The following ITPR1 variants were observed in gnomAD, a reference collection of about 807,000 sequenced individuals.
The protein encoded by ITPR1 is inositol 1,4,5-trisphosphate-gated calcium channel ITPR1.
Under a neutral mutation model 318.4 loss-of-function variants are expected in ITPR1, and 96 were observed. The ratio of observed to expected loss-of-function variants is 0.30; its 90% CI spans 0.26 to 0.36. The LOEUF is 0.36. Ranked by LOEUF, ITPR1 falls within the 10% of genes least tolerant of loss-of-function variation. ITPR1 has a pLI of 1.00. For missense variants in ITPR1, 2,440 were observed against 3,460.2 expected (o/e 0.71, Z 7.40); for synonymous variants, 1,312 against 1,289.9 (o/e 1.02, Z -0.37).
At chr3:4,601,940 A>G (rs1422586191) in intron 4 of ITPR1, among the ~76,000 whole-genome samples, 1 of 152,270 alleles carries the variant, frequency 6.6e-6, no homozygotes, top group Non-Finnish European at 1.5e-5. Context: ...TAATAAGCAC[A>G]TGCAGAAATG....
chr3:4,735,143 AAC>A lies in ITPR1; in HGVS notation c.5354-19_5354-18del. On this transcript the variant is annotated intron_variant, in intron 43 of 61. Coordinates refer to ENST00000649015, the MANE Select transcript of ITPR1 (RefSeq NM_001378452.1). ...AGCTGTTCTGATTGTGCTTAGTAAA[AAC>A]AATATTCCATCTTCTTAGGGGGAGG... is the stretch of plus-strand genomic sequence containing the variant. The A allele has an allele frequency of 6.2e-7, 1 of 1,601,808 alleles. No individual in the cohort carries two copies. The highest frequency in any genetic ancestry group is 8.5e-7 in the Non-Finnish European group (1 of 1,169,932).
intron 40 of ITPR1, among the ~76,000 whole-genome samples, chr3:4,721,899 C>T (rs1214721879): frequency 1.3e-5 from 2 of 152,142 alleles, no homozygotes; most frequent in Non-Finnish European, 2.9e-5. Flanking sequence ...GAAATAGTCA[C>T]CTTAGGAAGT....
At position 4,737,345 on chromosome 3, in the gene ITPR1, T is replaced by C. The variant is rs186975642; in HGVS notation, c.5544+1991T>C. Among the ~76,000 whole-genome samples the C allele has an allele frequency of 9.5e-4, 144 of 152,220 alleles. 1 individual carries two copies. Among genetic ancestry groups the C allele is most frequent in the African/African-American group, 3.3e-3 (136 of 41,534 alleles). On this transcript the variant is annotated intron_variant, in intron 44 of 61. Transcript: ENST00000649015. ...CCACCAAGGAAGAAGGACCAGCATC[T>C]CTCTGGGGAGCCTGCAGACGGTCTG...
At chr3:4,833,219 CAT>C (rs936446299) in intron 60 of ITPR1, among the ~76,000 whole-genome samples, 1 of 152,168 alleles carries the variant, frequency 6.6e-6, no homozygotes, top group African/African-American at 2.4e-5. Context: ...CCAGGAGGTA[CAT>C]ATGGCATGAA....
intron 46 of ITPR1, among the ~76,000 whole-genome samples, chr3:4,772,001 C>T (rs2046221084): frequency 6.6e-6 from 1 of 152,178 alleles, no homozygotes; most frequent in Non-Finnish European, 1.5e-5. Flanking sequence ...AGCCCGTGAT[C>T]TGGACCAGTG....
At chr3:4,568,676 T>C (rs1184449608) in intron 4 of ITPR1, among the ~76,000 whole-genome samples, 2 of 151,952 alleles carry the variant, frequency 1.3e-5, no homozygotes, top group East Asian at 3.9e-4. Flanking sequence ...TGGAAGTCCA[T>C]AGTTTGAGTA....
At chr3:4,498,919 C>G (rs1162717867) in intron 2 of ITPR1, among the ~76,000 whole-genome samples, 1 of 152,234 alleles carries the variant, frequency 6.6e-6, no homozygotes, top group African/African-American at 2.4e-5. Context: ...AGCTTCACAT[C>G]AGTGATTCTC....
At chr3:4,744,082 CGCCTCA>C (rs1034626134) in intron 44 of ITPR1, among the ~76,000 whole-genome samples, 3 of 152,152 alleles carry the variant, frequency 2.0e-5, no homozygotes, top group African/African-American at 7.2e-5. Flanking sequence ...GTGATCCGCC[CGCCTCA>C]GCCTCCCAAA....
chr3:4,702,345 C>T (rs74753075), intron 35 of ITPR1, among the ~76,000 whole-genome samples: 4 of 152,274 alleles, frequency 2.6e-5, no homozygotes, highest in Admixed American at 2.0e-4. Flanking sequence ...GTGAGATCCA[C>T]GTATCAGTTT....
rs994102308 is a variant in ITPR1, at chr3:4,807,938, G to A, written c.7272+1671G>A. Among the ~76,000 whole-genome samples the A allele has an allele frequency of 5.9e-5, 9 of 152,312 alleles. No individual in the cohort carries two copies. In the East Asian group the frequency reaches 7.7e-4, roughly 13 times the overall value. ...ATCCCTGCCAAGGGCTCTCTCCCAA[G>A]AGACAGGAGATGCCCCTTTGGTCAA... On this transcript the variant is annotated intron_variant, in intron 55 of 61. Transcript: ENST00000649015.
rs958916150 is a variant in ITPR1 at position 4,685,199 on chromosome 3, A to G, written c.3695A>G (p.Tyr1232Cys). ...AVVLELLQIP[Y>C]EKAEDTKMQE... Reference sequence around the variant, plus strand: ...GTGCTGGAGCTGCTGCAGATTCCCTATGAGAAGGTGAGCGGTGCCTCATGC... The same window carrying G: ...GTGCTGGAGCTGCTGCAGATTCCCTGTGAGAAGGTGAGCGGTGCCTCATGC... Residue 1232 changes from tyrosine to cysteine, a missense_variant, in exon 30 of 62, where the codon TAT becomes TGT. Tyr to Cys is a radical substitution (Grantham distance 194, BLOSUM62 -2). Around this residue, in one of 23 missense-constraint regions of ITPR1, gnomAD observed 222 missense variants for 318.8 expected, o/e 0.70. Transcript: ENST00000649015. The G allele has an allele frequency of 6.2e-7, 1 of 1,602,002 alleles. No homozygotes were observed. Among genetic ancestry groups the G allele is most frequent in the Non-Finnish European group, 8.5e-7 (1 of 1,177,716 alleles).
chr3:4,664,265 G>C (rs1355388215), intron 16 of ITPR1, among the ~76,000 whole-genome samples: 1 of 152,148 alleles, frequency 6.6e-6, no homozygotes, highest in African/African-American at 2.4e-5. Context: ...GATATTGTTG[G>C]ATGTAAATGT....
At chr3:4,707,409 C>G (rs2094782521) in intron 37 of ITPR1, among the ~76,000 whole-genome samples, 1 of 152,200 alleles carries the variant, frequency 6.6e-6, no homozygotes, top group Non-Finnish European at 1.5e-5. Flanking sequence ...GAGTTGTCGA[C>G]TGAAACATCT....
rs545849380 is a variant in ITPR1, at chr3:4,701,759, G to A, written c.4537-1071G>A. ...CCAAGTCACAGAATTGTTCACTGAGGCCTGAATGAGATCATATGTGAAATG... is the reference window on the plus strand; with the variant it reads ...CCAAGTCACAGAATTGTTCACTGAGACCTGAATGAGATCATATGTGAAATG... On this transcript the variant is annotated intron_variant, in intron 35 of 61. Transcript: ENST00000649015. Among the ~76,000 whole-genome samples the A allele has an allele frequency of 1.1e-4, 16 of 148,754 alleles. 1 individual carries two copies. In the South Asian group the frequency reaches 3.1e-3, roughly 29 times the overall value.
At chr3:4,640,656 C>G (rs559253518) in intron 6 of ITPR1, among the ~76,000 whole-genome samples, 1 of 152,348 alleles carries the variant, frequency 6.6e-6, no homozygotes, top group African/African-American at 2.4e-5. Flanking sequence ...TTGTACCTCA[C>G]TGTGAGATTT....
At position 4,595,850 on chromosome 3, in the gene ITPR1, C is replaced by T. The variant is rs184219134; in HGVS notation, c.164-31913C>T. ...GAGCATTGTGGTAGCATGGCAGTGG[C>T]GGAATGTTCTTAAGAAATCAGAAAG... On this transcript the variant is annotated intron_variant, in intron 4 of 61. Transcript: ENST00000649015. Among the ~76,000 whole-genome samples, 24 of 152,124 alleles carry T rather than the reference C, an allele frequency of 1.6e-4. No individual in the cohort carries two copies. The East Asian group carries it at 3.9e-3, about 24-fold the overall frequency.
intron 60 of ITPR1, among the ~76,000 whole-genome samples, chr3:4,823,579 T>G (rs941556445): frequency 5.3e-5 from 8 of 152,140 alleles, no homozygotes; most frequent in Non-Finnish European, 1.2e-4. Context: ...TTGCATGTTC[T>G]CATTTATATG....
intron 35 of ITPR1, among the ~76,000 whole-genome samples, chr3:4,702,370 A>T (rs891844922): frequency 2.6e-5 from 4 of 152,198 alleles, no homozygotes; most frequent in African/African-American, 9.7e-5. Flanking sequence ...TTGCTGATTA[A>T]AGACATGGGT....
rs762651616 is a variant in ITPR1, at chr3:4,806,241, G to C, written c.7246G>C (p.Val2416Leu). The stretch of plus-strand genomic sequence containing the variant: ...GGTGATCTGTGCCATGGGGCTCTTT[G>C]TCCATGAATTCTTCTACAGTCTGCT... ...YLVICAMGLF[V>L]HEFFYSLLLF... is the part of the protein sequence containing the mutation. The change falls in exon 55 of 62, where the codon GTC becomes CTC. Residue 2416 changes from valine (V) to leucine (L), a missense_variant. Around this residue, in one of 23 missense-constraint regions of ITPR1, gnomAD observed 126 missense variants for 150.8 expected, o/e 0.84. Transcript: ENST00000649015. 2.5e-6 allele frequency: 4 copies of C among 1,613,994 alleles called. No homozygotes were observed. In the Admixed American group the frequency reaches 5.0e-5, roughly 20 times the overall value.
Sources: gnomAD v4.1 joint callset for allele counts (sites outside exome capture counted in the v4.1 genomes callset) on GRCh38, gnomAD v4.1.1 for gene constraint, gnomAD v4.1.1 regional missense constraint, MANE v1.5 for transcripts, NCBI Gene and HGNC (gene_info 2026-07-23, HGNC 2026-07-21) for gene names.